GATB: variants seen among roughly 807,000 people sequenced by gnomAD.
The protein encoded by GATB is glutamyl-tRNA(Gln) amidotransferase subunit B, mitochondrial.
A neutral mutation model predicts 62.3 loss-of-function variants in GATB; 39 were observed. That is an observed-to-expected ratio of 0.63 (90% CI 0.48 to 0.82). The LOEUF is 0.82. Ranked by LOEUF, GATB falls within the 40% of genes least tolerant of loss-of-function variation. The probability of loss-of-function intolerance (pLI) is 0.00; values close to 1 mark genes in which losing one functional copy is unlikely to be tolerated. For synonymous variants in GATB, 276 were observed against 258.9 expected (o/e 1.07, Z -0.63); for missense variants, 670 against 684.0 (o/e 0.98, Z 0.23).
At chr4:151,686,699 C>T (rs868239329) in intron 10 of GATB, among the ~76,000 whole-genome samples, 1 of 129,410 alleles carries the variant, frequency 7.7e-6, no homozygotes, top group Non-Finnish European at 1.6e-5. Context: ...TACTTCTGTG[C>T]CATCGCGCCT....
chr4:151,687,952 G>A (rs1738284447), intron 10 of GATB, among the ~76,000 whole-genome samples: 1 of 152,206 alleles, frequency 6.6e-6, no homozygotes, highest in Non-Finnish European at 1.5e-5. Flanking sequence ...TTTCCGCAGT[G>A]TGAAACTGGC....
intron 2 of GATB, among the ~76,000 whole-genome samples, chr4:151,751,662 G>A (rs1287059581): frequency 6.6e-6 from 1 of 152,056 alleles, no homozygotes; most frequent in Admixed American, 6.6e-5. Flanking sequence ...TCAGTAGCTG[G>A]TGCTTCTATT....
intron 9 of GATB, among the ~76,000 whole-genome samples, chr4:151,695,832 G>A (rs1044466133): frequency 2.6e-5 from 4 of 151,796 alleles, no homozygotes; most frequent in African/African-American, 9.7e-5. Flanking sequence ...ACCACAGCTC[G>A]CTACAGCCTT....
At position 151,758,871 on chromosome 4, in the gene GATB, G is replaced by A. The variant is rs1739892483; in HGVS notation, c.228C>T (p.Ser76=). 1 of 1,610,904 alleles carries A rather than the reference G, an allele frequency of 6.2e-7. No individual in the cohort carries two copies. Among genetic ancestry groups the A allele is most frequent in the Admixed American group, 1.7e-5 (1 of 59,750 alleles). The change falls in exon 2 of 13, where the codon TCC becomes TCT. Residue 76 remains serine (S), a synonymous_variant. Coordinates refer to ENST00000263985, the MANE Select transcript of GATB (RefSeq NM_004564.3). ...VVGLEIHAQI[S]SNSKLFSGSQ... is the part of the protein sequence containing the mutation. The stretch of plus-strand genomic sequence containing the variant: ...ATCCAGAGAAGAGTTTAGAGTTGGA[G>A]GAAATCTGGGCATGAATTTCCAAAC...
At position 151,705,274 on chromosome 4, in the gene GATB, GA is replaced by G; in HGVS notation, c.878-6del. 6.3e-7 allele frequency: 1 copy of G among 1,583,362 alleles called. No individual in the cohort carries two copies. Among genetic ancestry groups the G allele is most frequent in the Non-Finnish European group, 8.7e-7 (1 of 1,153,038 alleles). ...TTTGCCTCTGAATTTCATAGTCTAGGAAAAACACACTAATTTAGCATCATAT... is the reference window on the plus strand; with the variant it reads ...TTTGCCTCTGAATTTCATAGTCTAGGAAAACACACTAATTTAGCATCATAT... On this transcript the variant is annotated splice_region_variant and splice_polypyrimidine_tract_variant and intron_variant, in intron 6 of 12. Transcript: ENST00000263985.
Position 151,701,358 on chromosome 4 carries a change from T to C in GATB, c.1168A>G (p.Met390Val). The change falls in exon 9 of 13, where the codon ATG (methionine) becomes GTG (valine). Residue 390 changes from methionine to valine, a missense_variant. Coordinates refer to ENST00000263985, the MANE Select transcript of GATB (RefSeq NM_004564.3). ...TREKLVQQYG[M>V]LLEHSFTLLN... is the part of the protein sequence containing the mutation. Reference sequence around the variant, plus strand: ...AAAGTGAAGCTGTGTTCCAGCAGCATCCCATACTGTTGGACAAGCTTCTCT... The same window carrying C: ...AAAGTGAAGCTGTGTTCCAGCAGCACCCCATACTGTTGGACAAGCTTCTCT... 6.3e-7 allele frequency: 1 copy of C among 1,582,302 alleles called. No homozygotes were observed. Among genetic ancestry groups the C allele is most frequent in the South Asian group, 1.2e-5 (1 of 85,508 alleles).
At chr4:151,710,868 C>A (rs550662938) in intron 5 of GATB, among the ~76,000 whole-genome samples, 23 of 152,218 alleles carry the variant, frequency 1.5e-4, no homozygotes, top group African/African-American at 5.3e-4. Context: ...CTCTCTCCAG[C>A]CCAGACCTCT....
chr4:151,697,983 A>ATATATATG (rs1738521383), intron 9 of GATB, among the ~76,000 whole-genome samples: 5 of 133,538 alleles, frequency 3.7e-5, no homozygotes, highest in African/African-American at 1.5e-4. Context: ...ATATATATAT[A>ATATATATG]TATATATATA....
chr4:151,759,549 T>C (rs3805356), intron 1 of GATB, among the ~76,000 whole-genome samples: 62,665 of 152,024 alleles, frequency 0.41, 13,470 homozygotes, highest in South Asian at 0.57. Context: ...TGATGCGGCA[T>C]ATTTTTGGTC....
At chr4:151,708,585 G>A (rs1479088406) in intron 5 of GATB, among the ~76,000 whole-genome samples, 1 of 152,174 alleles carries the variant, frequency 6.6e-6, no homozygotes, top group African/African-American at 2.4e-5. Context: ...GAGATTTAGA[G>A]GAGAGTCCTT....
At chr4:151,671,402 C>G in intron 12 of GATB, 100 bp from the exon 13 acceptor site, 2 of 1,118,460 alleles carry the variant, frequency 1.8e-6, no homozygotes. Flanking sequence ...TTAAATTCCG[C>G]TTATTTCCAC....
At chr4:151,731,975 T>C (rs57508830) in intron 2 of GATB, among the ~76,000 whole-genome samples, 27,937 of 70,632 alleles carry the variant, frequency 0.4, 7,357 homozygotes, top group African/African-American at 0.63. Flanking sequence ...GGTCAGCCCC[T>C]GCCCGGCCAG....
chr4:151,690,410 C>A (rs1738340078), intron 9 of GATB, among the ~76,000 whole-genome samples: 1 of 152,214 alleles, frequency 6.6e-6, no homozygotes, highest in Non-Finnish European at 1.5e-5. Context: ...AAAGGCAGAG[C>A]CAGGCAACTT....
intron 9 of GATB, among the ~76,000 whole-genome samples, chr4:151,700,756 G>A (rs967219833): frequency 1.3e-5 from 2 of 152,224 alleles, no homozygotes; most frequent in Non-Finnish European, 2.9e-5. Flanking sequence ...TGAAAAGGAT[G>A]GAAAATCCCT....
intron 10 of GATB, among the ~76,000 whole-genome samples, chr4:151,681,942 T>G (rs930983726): frequency 6.6e-6 from 1 of 152,156 alleles, no homozygotes; most frequent in African/African-American, 2.4e-5. Context: ...AAGGTCCCAT[T>G]TCCTCACACC....
chr4:151,758,173 C>T (rs1366809548), intron 2 of GATB, among the ~76,000 whole-genome samples: 1 of 152,142 alleles, frequency 6.6e-6, no homozygotes, highest in Non-Finnish European at 1.5e-5. Context: ...ACAATCATTA[C>T]TGGCCTTACA....
intron 12 of GATB, 57 bp downstream of exon 12, chr4:151,672,705 G>T: frequency 1.3e-6 from 2 of 1,572,310 alleles, no homozygotes; most frequent in Non-Finnish European, 1.7e-6. Context: ...CGATGGCGAG[G>T]CTCTTGGGCA....
intron 12 of GATB, 122 bp downstream of exon 12, chr4:151,672,640 T>C (rs918721149): frequency 4.2e-6 from 4 of 963,190 alleles, no homozygotes; most frequent in Admixed American, 2.6e-5. Flanking sequence ...GAGGGAATTA[T>C]TGATGAAACT....
At chr4:151,719,578 G>T in intron 2 of GATB, 40 bp from the exon 3 acceptor site, 2 of 1,372,650 alleles carry the variant, frequency 1.5e-6, no homozygotes, top group Admixed American at 2.2e-5. Context: ...AGAACCGCAG[G>T]CTGAACAAAT....
Sources: allele counts gnomAD v4.1 joint callset (sites outside exome capture counted in the v4.1 genomes callset), GRCh38; gene constraint gnomAD v4.1.1; transcripts MANE v1.5; gene names NCBI Gene and HGNC (gene_info 2026-07-23, HGNC 2026-07-21).